The following PRKG1 variants were observed in gnomAD, a reference collection of about 807,000 sequenced individuals.
PRKG1 encodes the protein protein kinase cGMP-dependent 1.
In PRKG1, 35 loss-of-function variants were observed where a neutral mutation model predicts 88.1. The ratio of observed to expected loss-of-function variants is 0.40; its 90% CI spans 0.30 to 0.53. The LOEUF (loss-of-function observed/expected upper bound fraction) is 0.53. Among genes scored for constraint, PRKG1 ranks in the 20% least tolerant of loss-of-function variants. The pLI is 0.59. For missense variants in PRKG1, 540 were observed against 839.8 expected (o/e 0.64, Z 4.41); for synonymous variants, 303 against 292.5 (o/e 1.04, Z -0.37).
chr10:51,315,623 C>T (rs1397104783), intron 2 of PRKG1, among the ~76,000 whole-genome samples: 1 of 152,134 alleles, frequency 6.6e-6, no homozygotes. Context: ...GAAAATACAG[C>T]GTGGATTATC....
intron 2 of PRKG1, among the ~76,000 whole-genome samples, chr10:51,204,050 TTTC>T (rs1343111386): frequency 6.6e-6 from 1 of 152,206 alleles, no homozygotes; most frequent in East Asian, 1.9e-4. Flanking sequence ...GAAGAACTAT[TTTC>T]TTCTTCTCCA....
intron 2 of PRKG1, among the ~76,000 whole-genome samples, chr10:51,177,557 C>A (rs1215149411): frequency 6.6e-6 from 1 of 152,086 alleles, no homozygotes; most frequent in Non-Finnish European, 1.5e-5. Flanking sequence ...GAAAACTTGA[C>A]ATTAATAACC....
chr10:51,809,707 T>C (rs1839402282), intron 4 of PRKG1, among the ~76,000 whole-genome samples: 1 of 152,162 alleles, frequency 6.6e-6, no homozygotes, highest in African/African-American at 2.4e-5. Flanking sequence ...ACACAGTAGA[T>C]CCTGTTCACC....
chr10:51,632,444 C>A (rs1839550523), intron 3 of PRKG1, among the ~76,000 whole-genome samples: 1 of 152,140 alleles, frequency 6.6e-6, no homozygotes, highest in South Asian at 2.1e-4. Context: ...TGAGCTTGTG[C>A]ACGTGCACAC....
chr10:51,609,905 C>T (rs530487290), intron 3 of PRKG1, among the ~76,000 whole-genome samples: 6 of 152,012 alleles, frequency 3.9e-5, no homozygotes, highest in South Asian at 2.1e-4. Flanking sequence ...AATACCTAGG[C>T]GATGGGTTGA....
rs922056627 is a variant in PRKG1, at chr10:50,991,195, A to C, written c.-184A>C. ...CGGTGCTTTTAGTCCATTCAGCAGA[A>C]GCGGATCGAAGCAGGAGGCTCCCCG... On this transcript the variant is annotated 5_prime_UTR_variant, in exon 1 of 18. Coordinates refer to the PRKG1 transcript ENST00000401604. The surrounding 1 kb of genome is among the most constrained non-coding windows in gnomAD (Gnocchi z 4.5). The C allele has an allele frequency of 3.7e-5, 29 of 790,182 alleles. No homozygotes were observed. The Admixed American group carries it at 8.2e-4, about 22-fold the overall frequency. The allele number at this position is 790,182 out of a possible 1,614,324, so 48.9% of individuals were successfully genotyped here.
At chr10:52,203,931 A>AG (rs1389934886) in intron 9 of PRKG1, among the ~76,000 whole-genome samples, 3 of 152,092 alleles carry the variant, frequency 2.0e-5, no homozygotes, top group Non-Finnish European at 4.4e-5. Context: ...GAGATGGGTC[A>AG]CTTGAAGACA....
intron 1 of PRKG1, among the ~76,000 whole-genome samples, chr10:51,147,480 C>T (rs749070644): frequency 4.6e-5 from 7 of 151,966 alleles, no homozygotes; most frequent in Non-Finnish European, 7.4e-5. Context: ...ATCTGAATGA[C>T]ATTTGGGCAA....
In PRKG1 at chr10:51,942,303, G is replaced by GT. The variant is rs1428810062; in HGVS notation, c.762+34740dup. Among the ~76,000 whole-genome samples, 267 of 151,828 alleles carry GT rather than the reference G, an allele frequency of 1.8e-3. 4 individuals carry two copies. Among genetic ancestry groups the GT allele is most frequent in the African/African-American group, 5.7e-3 (236 of 41,300 alleles). ...CACCCACTTTTTGATGGGGTTGTTTGTTTTTTTCTTGTAAATTTGTTTGAG... is the reference window on the plus strand; with the variant it reads ...CACCCACTTTTTGATGGGGTTGTTTGTTTTTTTTCTTGTAAATTTGTTTGAG... On this transcript the variant is annotated intron_variant, in intron 5 of 17. Coordinates refer to ENST00000373980, the MANE Select transcript of PRKG1 (RefSeq NM_006258.4).
At chr10:52,159,239 G>C (rs138777684) in intron 8 of PRKG1, among the ~76,000 whole-genome samples, 340 of 151,440 alleles carry the variant, frequency 2.2e-3, no homozygotes, top group African/African-American at 7.1e-3. Context: ...TATTTTTACA[G>C]GTCTTTTGTA....
Position 51,261,881 on chromosome 10 carries a change from A to ATT in PRKG1, c.478+108571_478+108572dup, listed in dbSNP as rs375382268. Among the ~76,000 whole-genome samples, 645 of 120,586 alleles carry ATT rather than the reference A, an allele frequency of 5.3e-3. 12 individuals carry two copies. Among genetic ancestry groups the ATT allele is most frequent in the African/African-American group, 0.012 (342 of 28,658 alleles). The allele number at this position is 120,586 out of a possible 152,430, so 79.1% of individuals were successfully genotyped here. A position where few individuals can be genotyped will look rare whatever the true frequency, so the allele number is the denominator to read the frequency against. On this transcript the variant is annotated intron_variant, in intron 2 of 17. Coordinates refer to ENST00000373980, the MANE Select transcript of PRKG1 (RefSeq NM_006258.4). Reference sequence around the variant, plus strand: ...AAGCCAGCGTGGTTAGGATTTTCTAATTTTTTTTTTTTTTTTTTTTTGAGA... The same window carrying ATT: ...AAGCCAGCGTGGTTAGGATTTTCTAATTTTTTTTTTTTTTTTTTTTTTTGAGA...
chr10:51,124,648 T>C (rs1251825167), intron 1 of PRKG1, among the ~76,000 whole-genome samples: 1 of 152,238 alleles, frequency 6.6e-6, no homozygotes, highest in Non-Finnish European at 1.5e-5. Context: ...AAAGATCTTA[T>C]GTATGAAATT....
At chr10:51,643,782 A>G (rs957934167) in intron 3 of PRKG1, among the ~76,000 whole-genome samples, 1 of 152,226 alleles carries the variant, frequency 6.6e-6, no homozygotes, top group African/African-American at 2.4e-5. Flanking sequence ...AAAACAAAAC[A>G]AAACAAAAAT....
At chr10:51,111,471 A>T (rs1390520922) in intron 1 of PRKG1, among the ~76,000 whole-genome samples, 1 of 152,068 alleles carries the variant, frequency 6.6e-6, no homozygotes, top group Non-Finnish European at 1.5e-5. Context: ...TATTTGTAGG[A>T]TGCCCTAAAC....
intron 3 of PRKG1, among the ~76,000 whole-genome samples, chr10:51,800,770 C>G (rs1282701879): frequency 6.6e-6 from 1 of 152,006 alleles, no homozygotes; most frequent in African/African-American, 2.4e-5. Flanking sequence ...CTCATATGGC[C>G]TTTTCTTGGT....
chr10:52,082,781 G>T (rs1017552332), intron 7 of PRKG1, among the ~76,000 whole-genome samples: 1 of 151,990 alleles, frequency 6.6e-6, no homozygotes, highest in Non-Finnish European at 1.5e-5. Flanking sequence ...TACATTAGGG[G>T]TATTTAGCGT....
intron 5 of PRKG1, among the ~76,000 whole-genome samples, chr10:52,053,644 T>C (rs778545521): frequency 2.0e-5 from 3 of 152,216 alleles, no homozygotes; most frequent in Non-Finnish European, 4.4e-5. Context: ...ATTACTTTTG[T>C]TCATTGCAGA....
At chr10:51,221,318 A>G (rs1220167201) in intron 2 of PRKG1, among the ~76,000 whole-genome samples, 2 of 152,226 alleles carry the variant, frequency 1.3e-5, no homozygotes, top group South Asian at 4.1e-4. Flanking sequence ...TAAAATTCTC[A>G]AGTGACTAAA....
At chr10:51,848,979 A>T (rs1399778502) in intron 4 of PRKG1, among the ~76,000 whole-genome samples, 3 of 152,004 alleles carry the variant, frequency 2.0e-5, no homozygotes, top group Non-Finnish European at 4.4e-5. Flanking sequence ...GAAACCTTGC[A>T]ATATATTTAA....
Sources: allele counts gnomAD v4.1 joint callset (sites outside exome capture counted in the v4.1 genomes callset), GRCh38; gene constraint gnomAD v4.1.1; non-coding constraint Gnocchi (gnomAD v3.1); transcripts MANE v1.5; gene names NCBI Gene and HGNC (gene_info 2026-07-23, HGNC 2026-07-21).